The following MTUS2 variants were observed in gnomAD, a reference collection of about 807,000 sequenced individuals.
MTUS2 encodes the protein microtubule associated scaffold protein 2.
A neutral mutation model predicts 114.1 loss-of-function variants in MTUS2; 40 were observed. The observed-to-expected ratio is 0.35, with a 90% CI of 0.27 to 0.46. MTUS2 has a LOEUF of 0.46. MTUS2 is among the 20% of genes least tolerant of loss of function. The pLI is 1.00. For synonymous variants in MTUS2, 688 were observed against 672.0 expected (o/e 1.02, Z -0.37); for missense variants, 1,679 against 1,705.4 (o/e 0.98, Z 0.27).
intron 9 of MTUS2, among the ~76,000 whole-genome samples, chr13:29,442,479 A>G (rs112692892): frequency 1.8e-4 from 28 of 152,344 alleles, no homozygotes; most frequent in African/African-American, 6.0e-4. Context: ...GGATAAGGCT[A>G]TCCTTGCATC....
intron 5 of MTUS2, among the ~76,000 whole-genome samples, chr13:29,142,026 A>T (rs1892243719): frequency 6.6e-6 from 1 of 151,730 alleles, no homozygotes; most frequent in African/African-American, 2.4e-5. Flanking sequence ...CACCCAGCTA[A>T]TTTTTTTGTA....
chr13:29,116,784 G>C (rs1891106866), intron 5 of MTUS2, among the ~76,000 whole-genome samples: 1 of 152,112 alleles, frequency 6.6e-6, no homozygotes, highest in African/African-American at 2.4e-5. Context: ...GAATCTCCCA[G>C]ACCAAGGGAT....
At chr13:28,886,925 G>T (rs888058257) in intron 2 of MTUS2, among the ~76,000 whole-genome samples, 3 of 152,202 alleles carry the variant, frequency 2.0e-5, no homozygotes, top group Non-Finnish European at 2.9e-5. Flanking sequence ...TGATTTTGAA[G>T]CGCCTGTAGG....
chr13:28,833,318 A>G (rs1392991096), intron 1 of MTUS2, among the ~76,000 whole-genome samples: 1 of 152,140 alleles, frequency 6.6e-6, no homozygotes, highest in Non-Finnish European at 1.5e-5. Context: ...GCAAGAAAAT[A>G]CTACCAAACA....
At chr13:28,820,993 G>T (rs1225110760) in intron 1 of MTUS2, among the ~76,000 whole-genome samples, 1 of 152,044 alleles carries the variant, frequency 6.6e-6, no homozygotes, top group Non-Finnish European at 1.5e-5. Flanking sequence ...CAGTGAAGCG[G>T]CTTGCTACAT....
At chr13:29,206,015 A>G (rs1349551799) in intron 5 of MTUS2, among the ~76,000 whole-genome samples, 1 of 152,176 alleles carries the variant, frequency 6.6e-6, no homozygotes, top group Non-Finnish European at 1.5e-5. Flanking sequence ...GTACTAGTTT[A>G]CATTCCCATC....
Position 29,359,198 on chromosome 13 carries a change from C to T in MTUS2, c.2906-64C>T, listed in dbSNP as rs978132997. 5 of 1,406,998 alleles carry T rather than the reference C, an allele frequency of 3.6e-6. No individual in the cohort carries two copies. The African/African-American group carries it at 5.8e-5, about 16-fold the overall frequency. The allele number at this position is 1,406,998 out of a possible 1,614,324, so 87.2% of individuals were successfully genotyped here. On this transcript the variant is annotated intron_variant, in intron 7 of 15. Transcript: ENST00000612955. ...AAGAACTCCTTGTGTAATAAGAAGC[C>T]GTTGTCACATGTGTACTGAGTGTTT...
In MTUS2 at chr13:29,359,347, G is replaced by A. The variant is rs1870034184; in HGVS notation, c.2991G>A (p.Leu997=). 2 of 1,611,936 alleles carry A rather than the reference G, an allele frequency of 1.2e-6. No homozygotes were observed. The highest frequency in any genetic ancestry group is 1.7e-6 in the Non-Finnish European group (2 of 1,179,262). Residue 997 remains leucine (L), a synonymous_variant, in exon 8 of 16, where the codon CTG becomes CTA. Transcript: ENST00000612955. The part of the protein sequence containing the change: ...DPQAREAERQ[L]VLRLKERCEQ... ...AGGCCCGTGAGGCTGAGCGGCAGCT[G>A]GTGCTGCGGCTGAAGGAGCGGTGTG...
chr13:29,455,924 T>C (rs1193189093), intron 9 of MTUS2, among the ~76,000 whole-genome samples: 2 of 152,060 alleles, frequency 1.3e-5, no homozygotes, highest in Non-Finnish European at 2.9e-5. Context: ...GAGGTTGCAG[T>C]GAGCTATGAT....
intron 2 of MTUS2, among the ~76,000 whole-genome samples, chr13:28,960,391 G>C (rs796264307): frequency 2.0e-5 from 3 of 152,298 alleles, no homozygotes; most frequent in African/African-American, 7.2e-5. Flanking sequence ...ATATATCCAA[G>C]AGTGTGAAAA....
At chr13:29,352,321 T>A (rs1295972449) in intron 7 of MTUS2, among the ~76,000 whole-genome samples, 2 of 152,210 alleles carry the variant, frequency 1.3e-5, no homozygotes, top group Admixed American at 6.5e-5. Context: ...CAGTCTTCCG[T>A]AGCTCCAGCC....
chr13:29,019,202 G>A (rs1277456012), intron 2 of MTUS2, among the ~76,000 whole-genome samples: 1 of 152,114 alleles, frequency 6.6e-6, no homozygotes, highest in African/African-American at 2.4e-5. Flanking sequence ...CAAGATGGAG[G>A]CACACACAGT....
At chr13:29,495,370 A>G (rs569008262) in intron 12 of MTUS2, among the ~76,000 whole-genome samples, 1 of 149,490 alleles carries the variant, frequency 6.7e-6, no homozygotes, top group Non-Finnish European at 1.5e-5. Flanking sequence ...AAAAAAAAAA[A>G]AAAAAAAAAA....
At chr13:28,877,311 C>T (rs1297780169) in intron 2 of MTUS2, among the ~76,000 whole-genome samples, 1 of 144,354 alleles carries the variant, frequency 6.9e-6, no homozygotes, top group Non-Finnish European at 1.5e-5. Flanking sequence ...GACTGAGACT[C>T]CATCTCAAAA....
At chr13:28,934,835 C>A (rs1281763923) in intron 2 of MTUS2, among the ~76,000 whole-genome samples, 1 of 152,092 alleles carries the variant, frequency 6.6e-6, no homozygotes, top group East Asian at 1.9e-4. Context: ...AACTTATATA[C>A]ACTAAGCATA....
chr13:29,407,040 T>A (rs1207356697), intron 8 of MTUS2, among the ~76,000 whole-genome samples: 5 of 151,860 alleles, frequency 3.3e-5, no homozygotes, highest in African/African-American at 1.2e-4. Context: ...AGGTCAGGAG[T>A]TTGAGACCAG....
intron 2 of MTUS2, among the ~76,000 whole-genome samples, chr13:28,844,160 C>T (rs1566172047): frequency 6.6e-6 from 1 of 152,192 alleles, no homozygotes; most frequent in African/African-American, 2.4e-5. Flanking sequence ...CCTGAGCTCA[C>T]ATCAGCCATT....
At chr13:29,493,573 C>T (rs1355094930) in intron 12 of MTUS2, among the ~76,000 whole-genome samples, 1 of 152,202 alleles carries the variant, frequency 6.6e-6, no homozygotes, top group Non-Finnish European at 1.5e-5. Context: ...ACATACGTGG[C>T]ACTGAGCCTG....
At chr13:28,845,656 G>GTTT (rs765883173) in intron 2 of MTUS2, among the ~76,000 whole-genome samples, 1 of 150,272 alleles carries the variant, frequency 6.7e-6, no homozygotes, top group African/African-American at 2.5e-5. Context: ...TCTCTGTTTT[G>GTTT]TTTGTTTTTT....
Sources: allele counts gnomAD v4.1 joint callset (sites outside exome capture counted in the v4.1 genomes callset), GRCh38; gene constraint gnomAD v4.1.1; transcripts MANE v1.5; gene names NCBI Gene and HGNC (gene_info 2026-07-23, HGNC 2026-07-21).